The following TVP23A variants were observed in gnomAD, a reference collection of about 807,000 sequenced individuals.
TVP23A encodes trans-golgi network vesicle protein 23 homolog A.
TVP23A carries 21 observed loss-of-function variants against 31.7 expected under a neutral mutation model. That is an observed-to-expected ratio of 0.66 (90% CI 0.47 to 0.95). TVP23A has a LOEUF of 0.95. TVP23A is among the 40% of genes least tolerant of loss of function. The pLI, the probability that TVP23A is intolerant of heterozygous loss-of-function variation, is 0.00. For synonymous variants in TVP23A, 104 were observed against 96.0 expected (o/e 1.08, Z -0.49); for missense variants, 279 against 255.6 (o/e 1.09, Z -0.62).
chr16:10,770,181 C>T, intron 7 of TVP23A, 91 bp downstream of exon 7: 1 of 1,490,448 alleles, frequency 6.7e-7, no homozygotes, highest in East Asian at 2.5e-5. Flanking sequence ...ACAGGGGAAG[C>T]CCACCCAGAC....
chr16:10,774,120 G>GC lies in TVP23A; in HGVS notation c.242_243insG (p.Gly82ArgfsTer15). ...ATCGAAGGCCCACCAGGAGTCTTCC[G>GC]GTTACATTCTGAGAACAATAGACAA... is the stretch of plus-strand genomic sequence containing the variant. On this transcript the variant is annotated frameshift_variant, in exon 4 of 8. Transcript: ENST00000299866. LOFTEE classifies it high-confidence loss of function. The GC allele has an allele frequency of 6.2e-7, 1 of 1,608,486 alleles. No homozygotes were observed. The highest frequency in any genetic ancestry group is 8.5e-7 in the Non-Finnish European group (1 of 1,177,378).
intron 2 of TVP23A, among the ~76,000 whole-genome samples, chr16:10,781,876 T>G (rs1216980668): frequency 2.8e-5 from 4 of 143,486 alleles, no homozygotes; most frequent in Admixed American, 6.9e-5. Flanking sequence ...TTTTTTTTTT[T>G]TTTGAGACAG....
downstream of TVP23A, among the ~76,000 whole-genome samples, chr16:10,762,612 C>G (rs955745666): frequency 6.6e-6 from 1 of 152,158 alleles, no homozygotes; most frequent in African/African-American, 2.4e-5. Flanking sequence ...GTCCAGCACT[C>G]GCCTTTAGGT....
At chr16:10,757,856 T>G, downstream of TVP23A, 1 of 1,607,556 alleles carries the variant, frequency 6.2e-7, no homozygotes, top group Non-Finnish European at 8.5e-7. The surrounding 1 kb of genome is among the most constrained non-coding windows in gnomAD (Gnocchi z 4.1). Context: ...GCATCCCCTG[T>G]GGATTCCTCT....
At chr16:10,761,890 A>G, downstream of TVP23A, 1 of 1,545,408 alleles carries the variant, frequency 6.5e-7, no homozygotes, top group East Asian at 2.3e-5. Context: ...GCGGCACCTC[A>G]CTCCTCGGTC....
At chr16:10,766,053 C>CTGTTCCT (rs2030827640), downstream of TVP23A, 1 of 152,392 alleles carries the variant, frequency 6.6e-6, no homozygotes, top group Non-Finnish European at 1.5e-5. The surrounding 1 kb of genome is among the most constrained non-coding windows in gnomAD (Gnocchi z 4.8). Context: ...TAGGAACAGA[C>CTGTTCCT]AGGAAGGCAT....
At chr16:10,781,066 C>A (rs780379637) in intron 2 of TVP23A, among the ~76,000 whole-genome samples, 1 of 152,120 alleles carries the variant, frequency 6.6e-6, no homozygotes, top group Non-Finnish European at 1.5e-5. Flanking sequence ...TCGGTGCTAA[C>A]GCCTATAATC....
At chr16:10,781,470 A>G (rs2032418430) in intron 2 of TVP23A, among the ~76,000 whole-genome samples, 1 of 152,174 alleles carries the variant, frequency 6.6e-6, no homozygotes, top group Admixed American at 6.5e-5. Context: ...TTCTAGATCC[A>G]CTTATGCAGC....
chr16:10,770,244 C>T (rs777319936), intron 7 of TVP23A, 28 bp downstream of exon 7: 93 of 1,550,076 alleles, frequency 6.0e-5, no homozygotes, highest in Non-Finnish European at 7.6e-5. Flanking sequence ...CCAGTTCCTC[C>T]ACACGGGTGC....
downstream of TVP23A, chr16:10,761,790 G>T: frequency 3.7e-6 from 6 of 1,614,098 alleles, no homozygotes; most frequent in South Asian, 6.6e-5. Context: ...CACAACCGGG[G>T]GCGCGGAGCT....
intron 2 of TVP23A, among the ~76,000 whole-genome samples, chr16:10,816,359 G>T (rs1315342991): frequency 1.3e-5 from 2 of 150,498 alleles, no homozygotes; most frequent in Non-Finnish European, 2.9e-5. Context: ...TTTGAGACAG[G>T]GTCTCACTCT....
At chr16:10,758,175 C>G (rs748269995), downstream of TVP23A, 138 of 918,996 alleles carry the variant, frequency 1.5e-4, no homozygotes, top group Non-Finnish European at 1.9e-4. Context: ...GCAGAAACCT[C>G]GTGTTAAAAA....
At chr16:10,792,046 C>G (rs1269939114) in intron 2 of TVP23A, among the ~76,000 whole-genome samples, 1 of 152,248 alleles carries the variant, frequency 6.6e-6, no homozygotes, top group Non-Finnish European at 1.5e-5. Context: ...CCTGATCCAA[C>G]CAATCTGTGT....
chr16:10,790,831 C>CT (rs1201452692), intron 2 of TVP23A, among the ~76,000 whole-genome samples: 1 of 152,142 alleles, frequency 6.6e-6, no homozygotes, highest in East Asian at 1.9e-4. Context: ...GCTATCTGTG[C>CT]TGTTGGGATG....
intron 2 of TVP23A, among the ~76,000 whole-genome samples, chr16:10,794,325 C>G (rs1467523679): frequency 6.6e-6 from 1 of 152,190 alleles, no homozygotes; most frequent in Admixed American, 6.6e-5. Flanking sequence ...CTGCCTCTCC[C>G]TGTGTCTCTA....
intron 2 of TVP23A, among the ~76,000 whole-genome samples, chr16:10,797,137 C>T (rs994853153): frequency 6.6e-6 from 1 of 151,580 alleles, no homozygotes; most frequent in Non-Finnish European, 1.5e-5. Flanking sequence ...TATAATGAGC[C>T]CTGATCATGC....
chr16:10,782,280 C>G (rs1205918895), intron 2 of TVP23A, among the ~76,000 whole-genome samples: 2 of 152,300 alleles, frequency 1.3e-5, no homozygotes, highest in East Asian at 3.9e-4. Context: ...CTTCAGCACA[C>G]AGCACAAGCA....
chr16:10,797,713 C>G (rs964389159), intron 2 of TVP23A, among the ~76,000 whole-genome samples: 2 of 151,746 alleles, frequency 1.3e-5, no homozygotes, highest in African/African-American at 4.8e-5. Context: ...AAGTGAGATA[C>G]TGTCTCTAAA....
intron 7 of TVP23A, chr16:10,769,400 G>A (rs2031367964): frequency 8.6e-6 from 3 of 347,944 alleles, no homozygotes; most frequent in Non-Finnish European, 1.6e-5. Context: ...GTGGGATCGT[G>A]GGATTCTGCT....
Sources: allele counts gnomAD v4.1 joint callset (sites outside exome capture counted in the v4.1 genomes callset), GRCh38; gene constraint gnomAD v4.1.1; non-coding constraint Gnocchi (gnomAD v3.1); transcripts MANE v1.5; gene names NCBI Gene and HGNC (gene_info 2026-07-23, HGNC 2026-07-21).